The following KLF15 variants were observed in gnomAD, a reference collection of about 807,000 sequenced individuals.
KLF15 encodes Krueppel-like factor 15.
A neutral mutation model predicts 24.6 loss-of-function variants in KLF15; 4 were observed. That is an observed-to-expected ratio of 0.16 (90% CI 0.08 to 0.37). The LOEUF (loss-of-function observed/expected upper bound fraction) is 0.37, where lower values mean the gene tolerates loss of function less well. Among genes scored for constraint, KLF15 ranks in the 10% least tolerant of loss-of-function variants. The probability of loss-of-function intolerance (pLI) is 1.00; values close to 1 mark genes in which losing one functional copy is unlikely to be tolerated. For synonymous variants in KLF15, 246 were observed against 236.3 expected (o/e 1.04, Z -0.37); for missense variants, 496 against 560.6 (o/e 0.88, Z 1.16).
chr3:126,326,469 G>A, the KLF15 span, among the ~76,000 whole-genome samples: 28 of 152,322 alleles, frequency 1.8e-4, no homozygotes, highest in African/African-American at 6.7e-4. Context: ...TATATTGAAG[G>A]AGAATTGGGA....
the KLF15 span, among the ~76,000 whole-genome samples, chr3:126,328,531 A>C: frequency 1.3e-5 from 2 of 152,176 alleles, no homozygotes; most frequent in Admixed American, 1.3e-4. Context: ...TGGCTGTACT[A>C]GTTTACATTC....
the KLF15 span, among the ~76,000 whole-genome samples, chr3:126,331,349 C>T: frequency 6.6e-6 from 1 of 152,192 alleles, no homozygotes; most frequent in Non-Finnish European, 1.5e-5. Flanking sequence ...CTTGTAAAAC[C>T]ACTACAATTT....
the KLF15 span, among the ~76,000 whole-genome samples, chr3:126,334,900 A>G: frequency 1.3e-5 from 1 of 79,798 alleles, no homozygotes; most frequent in Non-Finnish European, 2.4e-5. Flanking sequence ...GAATAGACCA[A>G]TAACAGGAGC....
the KLF15 span, among the ~76,000 whole-genome samples, chr3:126,328,971 A>G: frequency 6.6e-6 from 1 of 152,154 alleles, no homozygotes; most frequent in East Asian, 1.9e-4. Context: ...TGACTCATAT[A>G]TTTCTATCCA....
chr3:126,352,000 T>C lies in KLF15; in HGVS notation c.923A>G (p.Lys308Arg). Residue 308 changes from lysine to arginine, a missense_variant, in exon 2 of 3, where the codon AAG becomes AGG. This residue lies in a region of KLF15 where 399 missense variants were observed against 423.1 expected (regional missense o/e 0.94). Coordinates refer to ENST00000296233, the MANE Select transcript of KLF15 (RefSeq NM_014079.4). ...TTCTGCGGCTGGGTTCTTGGGGAAC[T>C]TCTGGCCCATGAGGAGACCGGCAGG... ...PGPAGLLMGQ[K>R]FPKNPAAELI... The C allele has an allele frequency of 6.4e-7, 1 of 1,572,594 alleles. No homozygotes were observed. Among genetic ancestry groups the C allele is most frequent in the Non-Finnish European group, 8.6e-7 (1 of 1,159,192 alleles).
At chr3:126,289,284 A>C in the KLF15 span, among the ~76,000 whole-genome samples, 2 of 152,278 alleles carry the variant, frequency 1.3e-5, no homozygotes, top group African/African-American at 2.4e-5. Flanking sequence ...TTTACTAAGC[A>C]GCAAACAAAA....
At position 126,343,536 on chromosome 3, in the gene KLF15, G is replaced by T; in HGVS notation, c.*191C>A. 1 of 566,694 alleles carries T rather than the reference G, an allele frequency of 1.8e-6. No individual in the cohort carries two copies. The highest frequency in any genetic ancestry group is 3.0e-6 in the Non-Finnish European group (1 of 332,238). The allele number at this position is 566,694 out of a possible 1,614,324, so 35.1% of individuals were successfully genotyped here. On this transcript the variant is annotated 3_prime_UTR_variant, in exon 3 of 3. Coordinates refer to ENST00000296233, the MANE Select transcript of KLF15 (RefSeq NM_014079.4). ...CCTGGGGCCCAGCCCCCAGGGACGC[G>T]GGTTCGAGGCTCTAAGTACTCCCGA...
At chr3:126,299,008 T>C in the KLF15 span, among the ~76,000 whole-genome samples, 1 of 152,190 alleles carries the variant, frequency 6.6e-6, no homozygotes, top group Non-Finnish European at 1.5e-5. Flanking sequence ...TGAGGAATTA[T>C]GATGGTATTT....
rs201850035 is a variant in KLF15 at position 126,343,750 on chromosome 3, G to A, written c.1228C>T (p.Arg410Cys). The change falls in exon 3 of 3, where the codon CGC (arginine) becomes TGC (cysteine). Residue 410 changes from arginine to cysteine, a missense_variant. This residue lies in a region of KLF15 where 38 missense variants were observed against 31.5 expected (regional missense o/e 1.21). Transcript: ENST00000296233. ...TTTCAGTTCACGGAGCGCACGGAGCGGCTGCTCCGCGGGAAGCGGTGCACC... is the reference window on the plus strand; with the variant it reads ...TTTCAGTTCACGGAGCGCACGGAGCAGCTGCTCCGCGGGAAGCGGTGCACC... ...IKVHRFPRSS[R>C]SVRSVN 69 of 1,611,842 alleles carry A rather than the reference G, an allele frequency of 4.3e-5. No individual in the cohort carries two copies. Among genetic ancestry groups the A allele is most frequent in the Non-Finnish European group, 5.8e-5 (68 of 1,179,742 alleles).
chr3:126,304,727 A>C, the KLF15 span, among the ~76,000 whole-genome samples: 1 of 152,220 alleles, frequency 6.6e-6, no homozygotes, highest in Admixed American at 6.5e-5. Context: ...TTATTGCTTC[A>C]TGCAGGAAGA....
the KLF15 span, among the ~76,000 whole-genome samples, chr3:126,297,610 C>T: frequency 6.6e-6 from 1 of 152,252 alleles, no homozygotes; most frequent in African/African-American, 2.4e-5. Flanking sequence ...CCCACCTCTC[C>T]CCACACGTCC....
At chr3:126,334,173 C>T in the KLF15 span, among the ~76,000 whole-genome samples, 3 of 151,886 alleles carry the variant, frequency 2.0e-5, no homozygotes, top group African/African-American at 7.3e-5. Context: ...TAGTTGGAAG[C>T]AAAGCTCTCC....
intron 2 of KLF15, among the ~76,000 whole-genome samples, chr3:126,345,387 T>C (rs1426716760): frequency 6.6e-6 from 1 of 152,058 alleles, no homozygotes; most frequent in Non-Finnish European, 1.5e-5. Flanking sequence ...TGGTAGGTGC[T>C]GAGGAGGTGG....
At chr3:126,314,279 A>G in the KLF15 span, among the ~76,000 whole-genome samples, 1 of 152,104 alleles carries the variant, frequency 6.6e-6, no homozygotes, top group Non-Finnish European at 1.5e-5. Context: ...CCTTGACAGG[A>G]GAGTCACAGC....
the KLF15 span, among the ~76,000 whole-genome samples, chr3:126,326,287 A>T: frequency 7.0e-6 from 1 of 142,954 alleles, no homozygotes. Context: ...TTGACTTGGC[A>T]ATGCGGGCTC....
chr3:126,308,638 C>T, the KLF15 span, among the ~76,000 whole-genome samples: 21 of 152,188 alleles, frequency 1.4e-4, no homozygotes, highest in African/African-American at 4.8e-4. Flanking sequence ...GAAGGCCTCA[C>T]AGGGGCATTT....
In KLF15 at chr3:126,352,125, C is replaced by A. The variant is rs954249064; in HGVS notation, c.798G>T (p.Val266=). The A allele has an allele frequency of 5.8e-6, 9 of 1,560,012 alleles. 1 individual carries two copies. The highest frequency in any genetic ancestry group is 6.1e-6 in the Non-Finnish European group (7 of 1,151,402). The part of the protein sequence containing the change: ...QGQTFALVPQ[V]VPSSNLNLPS... ...GCAGGTTCAAGTTGGAGGAGGGTAC[C>A]ACCTGGGGCACGAGTGCGAAGGTCT... is the stretch of plus-strand genomic sequence containing the variant. Residue 266 remains valine (V), a synonymous_variant, in exon 2 of 3, where the codon GTG becomes GTT. Coordinates refer to ENST00000296233, the MANE Select transcript of KLF15 (RefSeq NM_014079.4).
chr3:126,292,057 T>A, the KLF15 span, among the ~76,000 whole-genome samples: 3 of 152,142 alleles, frequency 2.0e-5, no homozygotes, highest in Non-Finnish European at 4.4e-5. Flanking sequence ...CAGAGGAGCA[T>A]TCATTCCAGT....
At chr3:126,326,172 C>A in the KLF15 span, among the ~76,000 whole-genome samples, 1 of 105,300 alleles carries the variant, frequency 9.5e-6, no homozygotes, top group African/African-American at 3.8e-5. Flanking sequence ...TGATCTATAT[C>A]TCTGTTTTGG....
Sources: allele counts gnomAD v4.1 joint callset (sites outside exome capture counted in the v4.1 genomes callset), GRCh38; gene constraint gnomAD v4.1.1; regional missense constraint gnomAD v4.1.1; transcripts MANE v1.5; gene names NCBI Gene and HGNC (gene_info 2026-07-23, HGNC 2026-07-21).